The following ST3GAL3 variants were observed in gnomAD, a reference collection of about 807,000 sequenced individuals.
ST3GAL3 encodes ST3 beta-galactoside alpha-2,3-sialyltransferase 3.
ST3GAL3 carries 21 observed loss-of-function variants against 50.1 expected under a neutral mutation model. The ratio of observed to expected loss-of-function variants is 0.42; its 90% CI spans 0.30 to 0.60. ST3GAL3 has a LOEUF of 0.60. Among genes scored for constraint, ST3GAL3 ranks in the 20% least tolerant of loss-of-function variants. ST3GAL3 has a pLI of 0.19. For synonymous variants in ST3GAL3, 183 were observed against 190.0 expected (o/e 0.96, Z 0.30); for missense variants, 353 against 489.4 (o/e 0.72, Z 2.63).
intron 4 of ST3GAL3, among the ~76,000 whole-genome samples, chr1:43,817,583 C>CCTCT (rs2061476014): frequency 1.3e-5 from 1 of 74,106 alleles, no homozygotes; most frequent in Non-Finnish European, 2.5e-5. Context: ...TCTCCTTCTC[C>CCTCT]TCCTTCTCCT....
At chr1:43,908,722 T>G (rs2080258638) in intron 9 of ST3GAL3, among the ~76,000 whole-genome samples, 1 of 146,986 alleles carries the variant, frequency 6.8e-6, no homozygotes, top group Non-Finnish European at 1.5e-5. Context: ...CGCCACCCCC[T>G]CCAGGTTCAA....
At chr1:43,881,954 T>A (rs2075219463) in intron 5 of ST3GAL3, among the ~76,000 whole-genome samples, 1 of 152,232 alleles carries the variant, frequency 6.6e-6, no homozygotes, top group Non-Finnish European at 1.5e-5. Flanking sequence ...TGGTGGAGGC[T>A]GTCACCCCAA....
intron 2 of ST3GAL3, among the ~76,000 whole-genome samples, chr1:43,745,246 C>T (rs1683111643): frequency 6.6e-6 from 1 of 151,968 alleles, no homozygotes; most frequent in Non-Finnish European, 1.5e-5. Context: ...AGATTTTGGA[C>T]ATATGTAGAG....
intron 5 of ST3GAL3, chr1:43,842,886 C>T (rs2065641342): frequency 6.6e-6 from 1 of 150,914 alleles, no homozygotes; most frequent in Non-Finnish European, 1.5e-5. Context: ...ACTCTGCTTT[C>T]TCCATTGAAT....
chr1:43,927,976 A>G (rs919307402), intron 11 of ST3GAL3, among the ~76,000 whole-genome samples: 1 of 152,170 alleles, frequency 6.6e-6, no homozygotes, highest in Non-Finnish European at 1.5e-5. Flanking sequence ...GATTAGCACA[A>G]GAGGTTGAAG....
intron 2 of ST3GAL3, among the ~76,000 whole-genome samples, chr1:43,771,355 C>T (rs997801076): frequency 2.7e-5 from 4 of 149,464 alleles, no homozygotes; most frequent in Non-Finnish European, 4.4e-5. Context: ...GACTGTTGGG[C>T]GACTTTTTGT....
intron 2 of ST3GAL3, among the ~76,000 whole-genome samples, chr1:43,791,497 T>A (rs1310702280): frequency 1.3e-5 from 2 of 152,250 alleles, no homozygotes; most frequent in African/African-American, 2.4e-5. Flanking sequence ...CTTTTTTCTT[T>A]GGCTGTTTGA....
chr1:43,817,865 TTCCTCCTCCTC>T (rs2061606302), intron 4 of ST3GAL3, among the ~76,000 whole-genome samples: 1 of 69,144 alleles, frequency 1.4e-5, no homozygotes, highest in African/African-American at 4.7e-5. Context: ...CCTCCTCCTC[TTCCTCCTCCTC>T]CTCCTCCTTC....
chr1:43,862,411 G>A (rs904459799), intron 5 of ST3GAL3, among the ~76,000 whole-genome samples: 41 of 152,102 alleles, frequency 2.7e-4, no homozygotes, highest in African/African-American at 9.7e-4. Flanking sequence ...TCACCACTTG[G>A]TGACTGACTA....
intron 2 of ST3GAL3, among the ~76,000 whole-genome samples, chr1:43,753,671 T>C (rs1687007834): frequency 6.6e-6 from 1 of 152,252 alleles, no homozygotes; most frequent in South Asian, 2.1e-4. Context: ...TCTAGACTGC[T>C]GACCTTTGTC....
chr1:43,913,320 A>G (rs555300350), intron 9 of ST3GAL3: 1 of 152,334 alleles, frequency 6.6e-6, no homozygotes, highest in East Asian at 1.9e-4. Flanking sequence ...AGATGCTGTA[A>G]AACGCACAGC....
At chr1:43,750,960 C>CT (rs1378429227) in intron 2 of ST3GAL3, among the ~76,000 whole-genome samples, 1 of 151,602 alleles carries the variant, frequency 6.6e-6, no homozygotes, top group African/African-American at 2.4e-5. Context: ...TTAAGATGAA[C>CT]AACAAGCCAG....
chr1:43,821,395 G>A (rs570727349), intron 4 of ST3GAL3, among the ~76,000 whole-genome samples: 7 of 152,154 alleles, frequency 4.6e-5, no homozygotes, highest in East Asian at 1.9e-4. Context: ...TAAAAATGGC[G>A]TTTTCCCGAG....
intron 11 of ST3GAL3, among the ~76,000 whole-genome samples, chr1:43,929,030 A>G (rs865945321): frequency 2.9e-4 from 44 of 152,354 alleles, no homozygotes; most frequent in African/African-American, 1.0e-3. Context: ...CCCTTCATTC[A>G]TTAAATCAAG....
intron 1 of ST3GAL3, among the ~76,000 whole-genome samples, chr1:43,734,306 TTG>T (rs1558060311): frequency 8.3e-6 from 1 of 120,578 alleles, no homozygotes; most frequent in Non-Finnish European, 1.7e-5. Flanking sequence ...TCTTTTTTTT[TTG>T]TTTTTTTTTT....
intron 4 of ST3GAL3, among the ~76,000 whole-genome samples, chr1:43,835,049 T>C (rs956361164): frequency 6.6e-6 from 1 of 152,106 alleles, no homozygotes; most frequent in African/African-American, 2.4e-5. Flanking sequence ...GTGAGTGCAG[T>C]GGTAACACTC....
intron 4 of ST3GAL3, among the ~76,000 whole-genome samples, chr1:43,829,567 C>T (rs2063256837): frequency 6.6e-6 from 1 of 152,200 alleles, no homozygotes; most frequent in Non-Finnish European, 1.5e-5. Context: ...GCAGCAAGAC[C>T]ATGCTGTGGT....
rs1442898476 is a variant in ST3GAL3 at position 43,792,133 on chromosome 1, A to T, written c.150A>T (p.Gly50=). 1 of 1,614,082 alleles carries T rather than the reference A, an allele frequency of 6.2e-7. No homozygotes were observed. Among genetic ancestry groups the T allele is most frequent in the African/African-American group, 1.3e-5 (1 of 74,916 alleles). Residue 50 remains glycine, a synonymous_variant, in exon 3 of 12, where the codon GGA becomes GGT. Transcript: ENST00000347631. ...NSVVLSFDSA[G]QTLGSEYDRL... ...TGGTTCTTTCCTTTGACTCCGCTGG[A>T]CAAACACTAGGCTCAGGTACCAACT...
intron 9 of ST3GAL3, among the ~76,000 whole-genome samples, chr1:43,903,410 T>A (rs771025701): frequency 2.6e-5 from 4 of 152,154 alleles, no homozygotes; most frequent in South Asian, 2.1e-4. Context: ...CAGAAGCCCC[T>A]GGGAACTGCC....
Sources: allele counts gnomAD v4.1 joint callset (sites outside exome capture counted in the v4.1 genomes callset), GRCh38; gene constraint gnomAD v4.1.1; transcripts MANE v1.5; gene names NCBI Gene and HGNC (gene_info 2026-07-23, HGNC 2026-07-21).